UNC13C: variants seen among roughly 807,000 people sequenced by gnomAD.
The protein encoded by UNC13C is unc-13 homolog C.
A neutral mutation model predicts 245.4 loss-of-function variants in UNC13C; 174 were observed. That is an observed-to-expected ratio of 0.71 (90% confidence interval 0.63 to 0.80). The LOEUF is 0.80. UNC13C is among the 30% of genes least tolerant of loss of function. The pLI, the probability that UNC13C is intolerant of heterozygous loss-of-function variation, is 0.00. For synonymous variants in UNC13C, 992 were observed against 895.1 expected, an observed-to-expected ratio of 1.11 and a Z score of -1.93; for missense variants, 2,829 against 2,602.9, an observed-to-expected ratio of 1.09 and a Z score of -1.89.
At chr15:54,319,156 A>G (rs917700839) in intron 13 of UNC13C, among the ~76,000 whole-genome samples, 1 of 151,840 alleles carries the variant, frequency 6.6e-6, no homozygotes, top group Non-Finnish European at 1.5e-5. Flanking sequence ...TTTATTTTCA[A>G]AATTGACTAT....
chr15:54,301,988 GCA>G (rs2037596640), intron 13 of UNC13C, among the ~76,000 whole-genome samples: 2 of 152,022 alleles, frequency 1.3e-5, no homozygotes, highest in African/African-American at 4.8e-5. Flanking sequence ...ATTCTAACTG[GCA>G]TGTGATGGTA....
At chr15:54,416,535 C>A (rs1438697519) in intron 19 of UNC13C, among the ~76,000 whole-genome samples, 5 of 152,208 alleles carry the variant, frequency 3.3e-5, no homozygotes. Context: ...CCCTTCCTAC[C>A]TCTTCCATCT....
chr15:54,591,647 T>C (rs1898796418), intron 30 of UNC13C, among the ~76,000 whole-genome samples: 3 of 152,174 alleles, frequency 2.0e-5, no homozygotes, highest in Admixed American at 2.0e-4. Flanking sequence ...TCCTGTTTTG[T>C]ATCTCAGTGA....
At chr15:53,985,436 C>CTACTATGTATACATGTATACATGTGT (rs1422826278) in intron 1 of UNC13C, among the ~76,000 whole-genome samples, 9 of 150,466 alleles carry the variant, frequency 6.0e-5, no homozygotes, top group South Asian at 2.1e-4. Flanking sequence ...TATACATGTG[C>CTACTATGTATACATGTATACATGTGT]TACTATGTAT....
intron 24 of UNC13C, among the ~76,000 whole-genome samples, chr15:54,523,400 A>C (rs1895310889): frequency 6.6e-6 from 1 of 152,192 alleles, no homozygotes; most frequent in Non-Finnish European, 1.5e-5. Context: ...CTTTTGTGGG[A>C]GGGACTGGTT....
the UNC13C span, among the ~76,000 whole-genome samples, chr15:53,952,926 C>T: frequency 2.0e-5 from 3 of 152,012 alleles, no homozygotes; most frequent in East Asian, 1.9e-4. Context: ...TTCCCCTGAG[C>T]GGTTTGGGGA....
At chr15:54,109,886 T>G (rs1159734736) in intron 2 of UNC13C, among the ~76,000 whole-genome samples, 2 of 152,126 alleles carry the variant, frequency 1.3e-5, no homozygotes, top group African/African-American at 4.8e-5. Context: ...AAACTCACTC[T>G]GCTTGGTGGC....
At chr15:54,395,430 C>T (rs139176005) in intron 18 of UNC13C, among the ~76,000 whole-genome samples, 66 of 151,934 alleles carry the variant, frequency 4.3e-4, no homozygotes, top group Middle Eastern at 3.4e-3. Context: ...GCTGGATTTG[C>T]AGATCTGAGC....
the UNC13C span, among the ~76,000 whole-genome samples, chr15:53,843,950 G>T: frequency 2.0e-5 from 3 of 152,286 alleles, no homozygotes; most frequent in South Asian, 2.1e-4. Flanking sequence ...GAGGAGAAAA[G>T]AAATCAGACG....
At chr15:54,141,359 G>A (rs957444583) in intron 2 of UNC13C, among the ~76,000 whole-genome samples, 5 of 151,662 alleles carry the variant, frequency 3.3e-5, no homozygotes, top group African/African-American at 1.2e-4. Flanking sequence ...TAATATATAG[G>A]CCAGAATTTT....
At chr15:53,880,318 G>A in the UNC13C span, among the ~76,000 whole-genome samples, 1 of 152,192 alleles carries the variant, frequency 6.6e-6, no homozygotes, top group Admixed American at 6.5e-5. Flanking sequence ...GAACTAGATA[G>A]CAAATCAATA....
chr15:54,241,502 A>C (rs1413370293), intron 7 of UNC13C, among the ~76,000 whole-genome samples: 1 of 152,162 alleles, frequency 6.6e-6, no homozygotes, highest in Non-Finnish European at 1.5e-5. Context: ...CACCTGGATA[A>C]GTTTTGAAGT....
At chr15:54,342,124 T>A (rs1366851884) in intron 17 of UNC13C, among the ~76,000 whole-genome samples, 1 of 152,198 alleles carries the variant, frequency 6.6e-6, no homozygotes, top group Non-Finnish European at 1.5e-5. Context: ...TTTTATGTTC[T>A]GTGAATTGCC....
chr15:54,234,813 C>T (rs11856476), intron 4 of UNC13C, among the ~76,000 whole-genome samples: 48,004 of 151,968 alleles, frequency 0.32, 8,210 homozygotes, highest in African/African-American at 0.44. Context: ...TTTCAACTAT[C>T]CAAGAAGATG....
At position 54,478,617 on chromosome 15, in the gene UNC13C, A is replaced by G. The variant is rs375183077; in HGVS notation, c.4934-15991A>G. On this transcript the variant is annotated intron_variant, in intron 19 of 32. Transcript: ENST00000260323. The stretch of plus-strand genomic sequence containing the variant: ...TTGTTCAGTTTCCATGTAGTTGAGC[A>G]GTTTTGAGTGAGTTTCTTAATCCTG... Among the ~76,000 whole-genome samples, 71 of 151,612 alleles carry G rather than the reference A, an allele frequency of 4.7e-4. No homozygotes were observed. The East Asian group carries it at 0.012, about 25-fold the overall frequency.
intron 18 of UNC13C, among the ~76,000 whole-genome samples, chr15:54,399,546 A>C (rs2040139055): frequency 6.6e-6 from 1 of 151,834 alleles, no homozygotes; most frequent in Admixed American, 6.6e-5. Context: ...TATAACATGT[A>C]ATTTCTTTTA....
At chr15:54,052,993 ATTATTG>A (rs1198404357) in intron 2 of UNC13C, among the ~76,000 whole-genome samples, 2 of 152,026 alleles carry the variant, frequency 1.3e-5, no homozygotes, top group Admixed American at 1.3e-4. Flanking sequence ...AAATTTTCTT[ATTATTG>A]TTATTATCTT....
the UNC13C span, among the ~76,000 whole-genome samples, chr15:53,902,051 A>G: frequency 6.6e-6 from 1 of 152,068 alleles, no homozygotes; most frequent in African/African-American, 2.4e-5. Flanking sequence ...TCACCTCTCC[A>G]TATATCCTTT....
chr15:54,523,033 A>G (rs1371619404), intron 24 of UNC13C, among the ~76,000 whole-genome samples: 1 of 152,210 alleles, frequency 6.6e-6, no homozygotes, highest in African/African-American at 2.4e-5. Context: ...ATTGCCTTTT[A>G]CCTTTACAAG....
Sources: gnomAD v4.1 joint callset for allele counts (sites outside exome capture counted in the v4.1 genomes callset) on GRCh38, gnomAD v4.1.1 for gene constraint, MANE v1.5 for transcripts, NCBI Gene and HGNC (gene_info 2026-07-23, HGNC 2026-07-21) for gene names.